The following DNAH9 variants were observed in gnomAD, a reference collection of about 807,000 sequenced individuals.
DNAH9 encodes dynein axonemal heavy chain 9, also known as DNAH9 variant protein.
DNAH9 carries 345 observed loss-of-function variants against 471.6 expected under a neutral mutation model. That is an observed-to-expected ratio of 0.73 (90% CI 0.67 to 0.80). The LOEUF is 0.80. Ranked by LOEUF, DNAH9 falls within the 30% of genes least tolerant of loss-of-function variation. DNAH9 has a pLI of 0.00. For missense variants in DNAH9, 5,407 were observed against 5,609.2 expected, an observed-to-expected ratio of 0.96 and a Z score of 1.15; for synonymous variants, 2,093 against 2,123.6, an observed-to-expected ratio of 0.99 and a Z score of 0.40.
chr17:11,794,332 G>C (rs1969170509), intron 42 of DNAH9, among the ~76,000 whole-genome samples: 1 of 152,164 alleles, frequency 6.6e-6, no homozygotes, highest in South Asian at 2.1e-4. Context: ...AAAGTGCTGG[G>C]ATTACAGGCG....
At position 11,928,274 on chromosome 17, in the gene DNAH9, CA is replaced by C. The variant is rs1226057656; in HGVS notation, c.11878-1588del. 2.0e-5 allele frequency among the ~76,000 whole-genome samples: 3 copies of C among 152,192 alleles called. No homozygotes were observed. The East Asian group carries it at 5.8e-4, about 29-fold the overall frequency. Reference sequence around the variant, plus strand: ...ATGTGAGCCACTGCACCCAGTCCTACAAAACCCTTTCAAATCCATTTCTTTG... The same window carrying C: ...ATGTGAGCCACTGCACCCAGTCCTACAAACCCTTTCAAATCCATTTCTTTG... On this transcript the variant is annotated intron_variant, in intron 62 of 68. Coordinates refer to ENST00000262442, the MANE Select transcript of DNAH9 (RefSeq NM_001372.4).
intron 36 of DNAH9, among the ~76,000 whole-genome samples, chr17:11,766,092 G>A (rs1294516016): frequency 6.6e-6 from 1 of 152,158 alleles, no homozygotes; most frequent in Non-Finnish European, 1.5e-5. Context: ...AAGAGGACAA[G>A]GGAGAAAGCT....
intron 14 of DNAH9, among the ~76,000 whole-genome samples, chr17:11,655,977 G>A (rs1248156579): frequency 6.6e-6 from 1 of 151,890 alleles, no homozygotes; most frequent in Non-Finnish European, 1.5e-5. Flanking sequence ...TAGGCATTTG[G>A]GCTGGTTCCA....
intron 67 of DNAH9, among the ~76,000 whole-genome samples, chr17:11,948,065 A>G (rs1391807415): frequency 5.3e-5 from 8 of 151,016 alleles, no homozygotes; most frequent in Non-Finnish European, 8.9e-5. Context: ...ACGCCTGGCC[A>G]GGAACTGATT....
intron 38 of DNAH9, among the ~76,000 whole-genome samples, chr17:11,778,953 C>A (rs1386327361): frequency 1.3e-5 from 2 of 152,064 alleles, no homozygotes; most frequent in Non-Finnish European, 2.9e-5. Context: ...TTGCAGTAAG[C>A]CGAGGTTGCA....
At position 11,810,234 on chromosome 17, in the gene DNAH9, C is replaced by G; in HGVS notation, c.8584-12C>G. ...TCTTTTCAGAGATTTCTGATATTGACCATTCCTACAGATGGACCTGGCCAG... is the reference window on the plus strand; with the variant it reads ...TCTTTTCAGAGATTTCTGATATTGAGCATTCCTACAGATGGACCTGGCCAG... On this transcript the variant is annotated splice_polypyrimidine_tract_variant and intron_variant, in intron 44 of 68. Transcript: ENST00000262442. 1 of 1,605,696 alleles carries G rather than the reference C, an allele frequency of 6.2e-7. No individual in the cohort carries two copies. The highest frequency in any genetic ancestry group is 8.5e-7 in the Non-Finnish European group (1 of 1,177,038).
intron 14 of DNAH9, among the ~76,000 whole-genome samples, chr17:11,662,627 A>T (rs1236952889): frequency 2.0e-5 from 3 of 149,998 alleles, no homozygotes; most frequent in African/African-American, 7.3e-5. Flanking sequence ...TGTGCTAGAC[A>T]TGTTGGAGGC....
intron 50 of DNAH9, among the ~76,000 whole-genome samples, chr17:11,861,451 T>G (rs1277663139): frequency 6.6e-6 from 1 of 152,014 alleles, no homozygotes; most frequent in Non-Finnish European, 1.5e-5. Context: ...TGGTTCCAAG[T>G]CTTTGCTATT....
intron 1 of DNAH9, among the ~76,000 whole-genome samples, chr17:11,600,968 G>A (rs954804714): frequency 1.1e-4 from 17 of 152,060 alleles, no homozygotes; most frequent in African/African-American, 3.1e-4. Flanking sequence ...GCCACACATC[G>A]CTCCCCTGAG....
chr17:11,721,610 GGA>G (rs1402350043), intron 27 of DNAH9, among the ~76,000 whole-genome samples: 1 of 151,914 alleles, frequency 6.6e-6, no homozygotes, highest in Non-Finnish European at 1.5e-5. Flanking sequence ...GATCATATGG[GGA>G]GAGAGAGGGA....
At chr17:11,942,263 A>G in intron 66 of DNAH9, 40 bp from the exon 67 acceptor site, 2 of 1,600,394 alleles carry the variant, frequency 1.2e-6, no homozygotes, top group Non-Finnish European at 1.7e-6. Context: ...TCTGGAGAAT[A>G]GAGCCCTTTC....
Position 11,694,746 on chromosome 17 carries a change from T to C in DNAH9, c.4872+299T>C, listed in dbSNP as rs375499735. On this transcript the variant is annotated intron_variant, in intron 22 of 68. Coordinates refer to ENST00000262442, the MANE Select transcript of DNAH9 (RefSeq NM_001372.4). ...TCTCTCTTTCTCTTTCTTTCTTTCT[T>C]TCTTTCCTTCCTTCCTTCCTTCCTT... 6.2e-3 allele frequency among the ~76,000 whole-genome samples: 24 copies of C among 3,888 alleles called. 10 individuals are homozygous for C. The highest frequency in any genetic ancestry group is 0.029 in the East Asian group (6 of 204). 2.6% of individuals were successfully genotyped at this position (3,888 alleles called of 152,430 possible).
At chr17:11,641,657 A>G (rs1325033558) in intron 10 of DNAH9, among the ~76,000 whole-genome samples, 2 of 151,968 alleles carry the variant, frequency 1.3e-5, no homozygotes, top group Non-Finnish European at 2.9e-5. Context: ...CTGAGCCCTC[A>G]TGCATCTCAA....
rs1341891515 is a variant in DNAH9 at position 11,846,683 on chromosome 17, G to A, written c.9508-7320G>A. Among the ~76,000 whole-genome samples, 3 of 139,580 alleles carry A rather than the reference G, an allele frequency of 2.1e-5. No individual in the cohort carries two copies. In the Admixed American group the frequency reaches 2.2e-4, roughly 10 times the overall value. The allele number at this position is 139,580 out of a possible 152,430, so 91.6% of individuals were successfully genotyped here. On this transcript the variant is annotated intron_variant, in intron 49 of 68. Transcript: ENST00000262442. ...TTTGTATCCTCTTTTATTTCCTTGA[G>A]CAGTGGTTTGTAGTTCTCCTTGAAG...
At chr17:11,784,581 T>C in intron 41 of DNAH9, 42 bp downstream of exon 41, 1 of 1,612,564 alleles carries the variant, frequency 6.2e-7, no homozygotes, top group South Asian at 1.1e-5. Flanking sequence ...GCTTAGTGAT[T>C]ATCCAGATGC....
At chr17:11,673,701 A>G (rs547339404) in intron 17 of DNAH9, among the ~76,000 whole-genome samples, 14 of 151,948 alleles carry the variant, frequency 9.2e-5, no homozygotes, top group African/African-American at 3.1e-4. Context: ...AATATTAAAG[A>G]GAATATGTGA....
At chr17:11,633,704 C>T (rs2073109586) in intron 8 of DNAH9, among the ~76,000 whole-genome samples, 1 of 152,148 alleles carries the variant, frequency 6.6e-6, no homozygotes, top group South Asian at 2.1e-4. Flanking sequence ...TATTAACTGT[C>T]AGGGATGATT....
rs551815288 is a variant in DNAH9 at position 11,648,357 on chromosome 17, T to C, written c.2097+1159T>C. Reference sequence around the variant, plus strand: ...TGGCAAGACGTGAGTCTGTTTAACTTACTGAACTCCTTGGATCAATTTCAT... The same window carrying C: ...TGGCAAGACGTGAGTCTGTTTAACTCACTGAACTCCTTGGATCAATTTCAT... On this transcript the variant is annotated intron_variant, in intron 12 of 68. Coordinates refer to ENST00000262442, the MANE Select transcript of DNAH9 (RefSeq NM_001372.4). 9.8e-5 allele frequency among the ~76,000 whole-genome samples: 15 copies of C among 152,344 alleles called. 1 individual carries two copies. In the East Asian group the frequency reaches 2.1e-3, roughly 22 times the overall value.
chr17:11,601,123 G>A lies in DNAH9; in HGVS notation c.417+2208G>A, dbSNP rs570530400. ...TTCATCCATATCGTCACCGCCTATC[G>A]TCATATGCGGGATTTCTTTCTTTTT... On this transcript the variant is annotated intron_variant, in intron 1 of 68. Coordinates refer to ENST00000262442, the MANE Select transcript of DNAH9 (RefSeq NM_001372.4). Among the ~76,000 whole-genome samples, 254 of 152,290 alleles carry A rather than the reference G, an allele frequency of 1.7e-3. 1 individual carries two copies. The highest frequency in any genetic ancestry group is 5.7e-3 in the African/African-American group (235 of 41,546).
Sources: allele counts gnomAD v4.1 joint callset (sites outside exome capture counted in the v4.1 genomes callset), GRCh38; gene constraint gnomAD v4.1.1; transcripts MANE v1.5; gene names NCBI Gene and HGNC (gene_info 2026-07-23, HGNC 2026-07-21).